Variants in NALCN observed in about 807,000 individuals in gnomAD.
The protein encoded by NALCN is sodium leak channel, non-selective.
NALCN carries 111 observed loss-of-function variants against 225.3 expected under a neutral mutation model. The ratio of observed to expected loss-of-function variants is 0.49; its 90% CI spans 0.42 to 0.58. The LOEUF is 0.58. NALCN is among the 20% of genes least tolerant of loss of function. The pLI is 0.00. For missense variants in NALCN, 1,378 were observed against 2,202.4 expected (o/e 0.63, Z 7.49); for synonymous variants, 764 against 769.0 (o/e 0.99, Z 0.11).
intron 12 of NALCN, among the ~76,000 whole-genome samples, chr13:101,233,880 C>G (rs952051088): frequency 1.3e-5 from 2 of 152,132 alleles, no homozygotes; most frequent in African/African-American, 2.4e-5. Context: ...TGATGATTTC[C>G]CACAGGCCAT....
At chr13:101,079,513 G>A (rs967204236) in intron 34 of NALCN, among the ~76,000 whole-genome samples, 2 of 152,158 alleles carry the variant, frequency 1.3e-5, no homozygotes, top group African/African-American at 4.8e-5. Context: ...CCTTGGGGAT[G>A]TCTTCCAAGA....
intron 7 of NALCN, among the ~76,000 whole-genome samples, chr13:101,299,253 T>C (rs962372827): frequency 6.6e-6 from 1 of 152,194 alleles, no homozygotes; most frequent in Admixed American, 6.5e-5. Context: ...TCTTAGAATT[T>C]GGGGGAAGGG....
At chr13:101,178,901 T>G (rs1359634891) in intron 14 of NALCN, among the ~76,000 whole-genome samples, 1 of 152,154 alleles carries the variant, frequency 6.6e-6, no homozygotes, top group Non-Finnish European at 1.5e-5. Context: ...GCGTTAGAGC[T>G]TTTTCAATAA....
chr13:101,311,939 C>A (rs2044361901), intron 7 of NALCN, among the ~76,000 whole-genome samples: 1 of 152,046 alleles, frequency 6.6e-6, no homozygotes, highest in Admixed American at 6.6e-5. Context: ...GGAATGGTAC[C>A]AGTTCCTCCT....
At chr13:101,154,701 C>A (rs79488168) in intron 15 of NALCN, among the ~76,000 whole-genome samples, 1 of 152,192 alleles carries the variant, frequency 6.6e-6, no homozygotes, top group South Asian at 2.1e-4. Flanking sequence ...GAAGGCAACA[C>A]TAACGGAGTC....
chr13:101,180,247 C>T (rs66669131), intron 14 of NALCN: 32,317 of 143,198 alleles, frequency 0.23, 4,631 homozygotes, highest in Non-Finnish European at 0.32. Flanking sequence ...CACATTGTCA[C>T]CCAGGCTGGA....
intron 7 of NALCN, among the ~76,000 whole-genome samples, chr13:101,320,958 A>G (rs534921733): frequency 1.3e-5 from 2 of 152,308 alleles, no homozygotes; most frequent in East Asian, 3.9e-4. Context: ...GCCAGTCTGC[A>G]GAGCAACACC....
chr13:101,309,463 A>G (rs1448501481), intron 7 of NALCN, among the ~76,000 whole-genome samples: 1 of 152,204 alleles, frequency 6.6e-6, no homozygotes, highest in East Asian at 1.9e-4. Flanking sequence ...AGTTTGATAA[A>G]ATGTAGGGAT....
chr13:101,146,400 A>G (rs1000864704), intron 15 of NALCN, among the ~76,000 whole-genome samples: 2 of 152,202 alleles, frequency 1.3e-5, no homozygotes, highest in Non-Finnish European at 2.9e-5. Context: ...GGTTATGATG[A>G]TGACAATGGT....
chr13:101,104,167 G>T lies in NALCN; in HGVS notation c.2889+128C>A. The T allele has an allele frequency of 2.7e-6, 3 of 1,098,686 alleles. No individual in the cohort carries two copies. The highest frequency in any genetic ancestry group is 3.9e-6 in the Non-Finnish European group (3 of 778,284). 68.1% of individuals were successfully genotyped at this position (1,098,686 alleles called of 1,614,324 possible). ...TTTGCATATAATGAACTACTCTAGA[G>T]TCCATTTAAGAATTCGGTTAGGGAA... On this transcript the variant is annotated intron_variant, in intron 25 of 43. Coordinates refer to ENST00000251127, the MANE Select transcript of NALCN (RefSeq NM_052867.4). This position sits in a 1 kb window ranked among gnomAD's most constrained non-coding sequence, Gnocchi z 4.2.
intron 15 of NALCN, among the ~76,000 whole-genome samples, chr13:101,154,090 G>T (rs543336531): frequency 6.6e-6 from 1 of 152,276 alleles, no homozygotes; most frequent in East Asian, 1.9e-4. Flanking sequence ...GTAAACACGC[G>T]TGCTGGATAT....
intron 17 of NALCN, among the ~76,000 whole-genome samples, chr13:101,134,354 C>T (rs2036663768): frequency 6.6e-6 from 1 of 152,222 alleles, no homozygotes; most frequent in African/African-American, 2.4e-5. Flanking sequence ...AGGCACCCAG[C>T]ACAAGTTGAT....
chr13:101,267,163 C>T (rs2042625703), intron 10 of NALCN, among the ~76,000 whole-genome samples: 1 of 152,168 alleles, frequency 6.6e-6, no homozygotes, highest in Non-Finnish European at 1.5e-5. Context: ...GACCCTTTAT[C>T]TCTAGGCCAT....
intron 6 of NALCN, chr13:101,373,112 T>C: frequency 2.6e-6 from 1 of 380,488 alleles, no homozygotes; most frequent in Non-Finnish European, 5.2e-6. Flanking sequence ...AAAAGCAAAA[T>C]TTACCAACTT....
chr13:101,394,325 A>G (rs561325746), intron 3 of NALCN, among the ~76,000 whole-genome samples: 106 of 152,212 alleles, frequency 7.0e-4, no homozygotes, highest in Non-Finnish European at 1.3e-3. Context: ...TGTGTTATAT[A>G]TTGTCTCAGT....
Position 101,370,480 on chromosome 13 carries a change from T to C in NALCN, c.644+6220A>G, listed in dbSNP as rs114281208. Among the ~76,000 whole-genome samples, 231 of 152,326 alleles carry C rather than the reference T, an allele frequency of 1.5e-3. 2 individuals carry two copies. Among genetic ancestry groups the C allele is most frequent in the African/African-American group, 5.1e-3 (213 of 41,584 alleles). ...GGCGGAAGACCAGGTCTTGAGCCCA[T>C]GTAAAGCTGAAAGCTGGAAATATGA... On this transcript the variant is annotated intron_variant, in intron 6 of 43. Coordinates refer to ENST00000251127, the MANE Select transcript of NALCN (RefSeq NM_052867.4).
At chr13:101,326,173 T>C (rs2044943977) in intron 7 of NALCN, among the ~76,000 whole-genome samples, 1 of 152,178 alleles carries the variant, frequency 6.6e-6, no homozygotes, top group Non-Finnish European at 1.5e-5. Flanking sequence ...AATCAGCTCT[T>C]AATAAGGTAG....
intron 28 of NALCN, among the ~76,000 whole-genome samples, chr13:101,092,737 C>T (rs2034301933): frequency 6.6e-6 from 1 of 151,976 alleles, no homozygotes; most frequent in South Asian, 2.1e-4. Flanking sequence ...TTTGTACAGG[C>T]CCTTCTGAGA....
In NALCN at chr13:101,100,047, G is replaced by A. The variant is rs1422981888; in HGVS notation, c.3162+737C>T. Reference sequence around the variant, plus strand: ...AATGACTGAAGAAAGAGAAAGAAACGCCGTAGTGCAAGTATTCAAGTTTGG... The same window carrying A: ...AATGACTGAAGAAAGAGAAAGAAACACCGTAGTGCAAGTATTCAAGTTTGG... On this transcript the variant is annotated intron_variant, in intron 27 of 43. Transcript: ENST00000251127. Among the ~76,000 whole-genome samples the A allele has an allele frequency of 2.6e-5, 4 of 152,176 alleles. No homozygotes were observed. In the South Asian group the frequency reaches 6.2e-4, roughly 24 times the overall value.
Sources: allele counts gnomAD v4.1 joint callset (sites outside exome capture counted in the v4.1 genomes callset), GRCh38; gene constraint gnomAD v4.1.1; non-coding constraint Gnocchi (gnomAD v3.1); transcripts MANE v1.5; gene names NCBI Gene and HGNC (gene_info 2026-07-23, HGNC 2026-07-21).